The following HCN1 variants were observed in gnomAD, a reference collection of about 807,000 sequenced individuals.
HCN1 encodes potassium/sodium hyperpolarization-activated cyclic nucleotide-gated channel 1.
In HCN1, 13 loss-of-function variants were observed where a neutral mutation model predicts 78.9. That is an observed-to-expected ratio of 0.16 (90% CI 0.11 to 0.26). The LOEUF is 0.26. Ranked by LOEUF, HCN1 falls within the 10% of genes least tolerant of loss-of-function variation. The pLI is 1.00. For missense variants in HCN1, 810 were observed against 1,154.3 expected (o/e 0.70, Z 4.32); for synonymous variants, 552 against 455.5 (o/e 1.21, Z -2.70).
Position 45,412,494 on chromosome 5 carries a change from T to A in HCN1, c.1012-15784A>T, listed in dbSNP as rs150709980. On this transcript the variant is annotated intron_variant, in intron 3 of 7. Transcript: ENST00000303230. ...CTGCAGATGAGGTTTGGGAGGATAG[T>A]ACCTAATTCTCTGATGACAGAAAAA... 1.1e-3 allele frequency among the ~76,000 whole-genome samples: 171 copies of A among 152,172 alleles called. 1 individual carries two copies. The highest frequency in any genetic ancestry group is 7.9e-3 in the East Asian group (41 of 5,166).
At chr5:45,400,394 CT>C (rs541820226) in intron 3 of HCN1, among the ~76,000 whole-genome samples, 3,684 of 112,950 alleles carry the variant, frequency 0.033, 53 homozygotes, top group African/African-American at 0.11. Flanking sequence ...ATTAAAAATG[CT>C]TTTTTTTTTT....
At chr5:45,543,360 T>C (rs1743143151) in intron 2 of HCN1, among the ~76,000 whole-genome samples, 1 of 152,074 alleles carries the variant, frequency 6.6e-6, no homozygotes, top group South Asian at 2.1e-4. Flanking sequence ...GAAAAAGCCA[T>C]TGGAATTTTG....
intron 6 of HCN1, among the ~76,000 whole-genome samples, chr5:45,297,206 G>A (rs367745252): frequency 3.3e-5 from 5 of 152,062 alleles, no homozygotes; most frequent in African/African-American, 1.2e-4. Flanking sequence ...GGAATACGTT[G>A]GGCTAGTTAA....
intron 2 of HCN1, among the ~76,000 whole-genome samples, chr5:45,474,390 C>A (rs1579917454): frequency 6.6e-6 from 1 of 151,966 alleles, no homozygotes; most frequent in Middle Eastern, 3.4e-3. Flanking sequence ...CTATAAATCT[C>A]TCTCTGTAAA....
intron 5 of HCN1, among the ~76,000 whole-genome samples, chr5:45,309,766 G>C (rs1049116994): frequency 1.3e-5 from 2 of 152,110 alleles, no homozygotes; most frequent in Non-Finnish European, 2.9e-5. Flanking sequence ...GATTCTGTTT[G>C]CCAGCATTTT....
intron 2 of HCN1, among the ~76,000 whole-genome samples, chr5:45,504,439 T>C (rs1170405540): frequency 1.3e-5 from 2 of 152,250 alleles, no homozygotes; most frequent in African/African-American, 4.8e-5. Flanking sequence ...TCATCCTTTT[T>C]TTTGGCTGCA....
At chr5:45,642,813 A>T (rs1745480391) in intron 2 of HCN1, 1 of 152,154 alleles carries the variant, frequency 6.6e-6, no homozygotes, top group Non-Finnish European at 1.5e-5. Flanking sequence ...AGAAACATGT[A>T]GGTGATGGAA....
chr5:45,676,017 C>T (rs1266233790), intron 1 of HCN1, among the ~76,000 whole-genome samples: 1 of 151,786 alleles, frequency 6.6e-6, no homozygotes, highest in African/African-American at 2.4e-5. Flanking sequence ...AAATATGGAA[C>T]TGTCCATTGC....
chr5:45,569,186 T>G (rs562914279), intron 2 of HCN1, among the ~76,000 whole-genome samples: 1 of 152,304 alleles, frequency 6.6e-6, no homozygotes, highest in Admixed American at 6.5e-5. Context: ...TCTACATGAT[T>G]GTCCATTAAA....
intron 1 of HCN1, among the ~76,000 whole-genome samples, chr5:45,681,651 A>G (rs1012612928): frequency 1.3e-5 from 2 of 152,176 alleles, no homozygotes; most frequent in Admixed American, 1.3e-4. Flanking sequence ...CAAGAGGAAC[A>G]TAATGTTACC....
At chr5:45,492,304 G>GTA (rs1031856938) in intron 2 of HCN1, among the ~76,000 whole-genome samples, 1 of 150,110 alleles carries the variant, frequency 6.7e-6, no homozygotes, top group Non-Finnish European at 1.5e-5. Context: ...GTATGTGTGT[G>GTA]TGTGTGTGTG....
At chr5:45,521,955 A>G (rs1374776834) in intron 2 of HCN1, among the ~76,000 whole-genome samples, 1 of 152,016 alleles carries the variant, frequency 6.6e-6, no homozygotes, top group Non-Finnish European at 1.5e-5. Context: ...AGAATATTCT[A>G]GAGTCTTACT....
At chr5:45,520,534 T>G (rs555389282) in intron 2 of HCN1, among the ~76,000 whole-genome samples, 1 of 152,070 alleles carries the variant, frequency 6.6e-6, no homozygotes, top group Non-Finnish European at 1.5e-5. Flanking sequence ...TAATATTTCA[T>G]GTATTAATCT....
chr5:45,671,806 A>G (rs1746157103), intron 1 of HCN1, among the ~76,000 whole-genome samples: 1 of 151,612 alleles, frequency 6.6e-6, no homozygotes, highest in African/African-American at 2.4e-5. Flanking sequence ...AGTTACCACT[A>G]ATTTAAATTG....
chr5:45,664,038 G>A (rs1745979049), intron 1 of HCN1, among the ~76,000 whole-genome samples: 1 of 136,878 alleles, frequency 7.3e-6, no homozygotes, highest in South Asian at 2.6e-4. Context: ...ATTCACAATA[G>A]CAAAGACTTG....
intron 3 of HCN1, among the ~76,000 whole-genome samples, chr5:45,429,936 A>T (rs1740429142): frequency 1.3e-5 from 2 of 152,176 alleles, no homozygotes; most frequent in South Asian, 4.1e-4. Flanking sequence ...TTAACAGTAC[A>T]GTAATGATAT....
At chr5:45,280,045 C>A (rs1745128859) in intron 6 of HCN1, among the ~76,000 whole-genome samples, 1 of 151,826 alleles carries the variant, frequency 6.6e-6, no homozygotes, top group Non-Finnish European at 1.5e-5. Flanking sequence ...TATTATAATA[C>A]CATATCAGGA....
chr5:45,695,281 A>G, intron 1 of HCN1: 2 of 259,006 alleles, frequency 7.7e-6, no homozygotes, highest in South Asian at 4.3e-5. Flanking sequence ...TTGAGACCAC[A>G]CTTGAGGGAG....
intron 6 of HCN1, among the ~76,000 whole-genome samples, chr5:45,280,611 A>G (rs1455251780): frequency 6.6e-6 from 1 of 152,224 alleles, no homozygotes; most frequent in Non-Finnish European, 1.5e-5. Context: ...AGGAGTGCTC[A>G]TGAGGACATA....
Sources: gnomAD v4.1 joint callset for allele counts (sites outside exome capture counted in the v4.1 genomes callset) on GRCh38, gnomAD v4.1.1 for gene constraint, MANE v1.5 for transcripts, NCBI Gene and HGNC (gene_info 2026-07-23, HGNC 2026-07-21) for gene names.